SGCZ: variants seen among roughly 807,000 people sequenced by gnomAD.
SGCZ encodes sarcoglycan zeta.
SGCZ carries 40 observed loss-of-function variants against 41.3 expected under a neutral mutation model. The observed-to-expected ratio is 0.97, with a 90% CI of 0.75 to 1.26. The LOEUF (loss-of-function observed/expected upper bound fraction) is 1.26. SGCZ is among the 50% of genes most tolerant of loss of function. The pLI, the probability that SGCZ is intolerant of heterozygous loss-of-function variation, is 0.00. For synonymous variants in SGCZ, 206 were observed against 137.5 expected (o/e 1.50, Z -3.49); for missense variants, 552 against 369.8 (o/e 1.49, Z -4.04).
At chr8:14,248,399 C>A (rs1799179035) in intron 3 of SGCZ, among the ~76,000 whole-genome samples, 1 of 152,010 alleles carries the variant, frequency 6.6e-6, no homozygotes, top group Admixed American at 6.6e-5. Flanking sequence ...GAGAGTATCC[C>A]AGATGCGTAT....
intron 2 of SGCZ, among the ~76,000 whole-genome samples, chr8:14,507,255 T>A (rs1252581818): frequency 2.6e-5 from 4 of 151,990 alleles, no homozygotes; most frequent in Non-Finnish European, 5.9e-5. Context: ...ACTGCCAACT[T>A]GATAAAGGCC....
At chr8:15,070,841 A>C (rs1407103996) in intron 1 of SGCZ, among the ~76,000 whole-genome samples, 1 of 152,244 alleles carries the variant, frequency 6.6e-6, no homozygotes, top group Non-Finnish European at 1.5e-5. Flanking sequence ...TAGTAGAAAA[A>C]GCATAGGATT....
At position 14,771,152 on chromosome 8, in the gene SGCZ, G is replaced by A. The variant is rs977261279; in HGVS notation, c.40-216226C>T. On this transcript the variant is annotated intron_variant, in intron 1 of 7. Transcript: ENST00000382080. ...AGGATCATACTAGAGTTTTTAGATG[G>A]GGACAGAACTAACTACCCAAGGCAA... is the stretch of plus-strand genomic sequence containing the variant. 3.3e-5 allele frequency among the ~76,000 whole-genome samples: 5 copies of A among 151,612 alleles called. No individual in the cohort carries two copies. The South Asian group carries it at 1.0e-3, about 31-fold the overall frequency.
At chr8:15,000,898 A>T (rs1802394440) in intron 1 of SGCZ, among the ~76,000 whole-genome samples, 1 of 152,102 alleles carries the variant, frequency 6.6e-6, no homozygotes, top group Admixed American at 6.6e-5. Context: ...TCCACCCCTT[A>T]ACCCACCCAC....
chr8:14,219,877 C>A (rs188317987), intron 4 of SGCZ, among the ~76,000 whole-genome samples: 281 of 152,150 alleles, frequency 1.8e-3, no homozygotes, highest in Non-Finnish European at 3.2e-3. Flanking sequence ...AACGTTTCTA[C>A]AACCAGTAGG....
intron 1 of SGCZ, among the ~76,000 whole-genome samples, chr8:15,171,888 G>A (rs1054417276): frequency 6.6e-6 from 1 of 151,994 alleles, no homozygotes; most frequent in Non-Finnish European, 1.5e-5. Flanking sequence ...TCACCTAAAT[G>A]GCTTGTAACC....
Position 14,971,315 on chromosome 8 carries a change from G to A in SGCZ, c.39+266270C>T, listed in dbSNP as rs189228861. Among the ~76,000 whole-genome samples the A allele has an allele frequency of 7.2e-5, 11 of 152,190 alleles. No individual in the cohort carries two copies. The East Asian group carries it at 2.1e-3, about 29-fold the overall frequency. On this transcript the variant is annotated intron_variant, in intron 1 of 7. Coordinates refer to ENST00000382080, the MANE Select transcript of SGCZ (RefSeq NM_139167.4). ...AACATCTCCAGTATAATACCGAATA[G>A]AAATAATAGGAGCGAATATCCTTGT...
intron 1 of SGCZ, among the ~76,000 whole-genome samples, chr8:15,176,841 A>C (rs1800014398): frequency 6.6e-6 from 1 of 152,110 alleles, no homozygotes; most frequent in Non-Finnish European, 1.5e-5. Context: ...CTCTACTAAA[A>C]ACACACAAAA....
At chr8:15,025,867 T>C (rs1390513960) in intron 1 of SGCZ, among the ~76,000 whole-genome samples, 1 of 152,216 alleles carries the variant, frequency 6.6e-6, no homozygotes, top group Non-Finnish European at 1.5e-5. Flanking sequence ...TAAGTAAGAC[T>C]ATATACGAAT....
intron 2 of SGCZ, among the ~76,000 whole-genome samples, chr8:14,471,500 G>C (rs955264545): frequency 3.5e-4 from 53 of 151,946 alleles, no homozygotes; most frequent in African/African-American, 1.2e-3. Flanking sequence ...ATACAAGGAA[G>C]ACATAGTCTC....
intron 1 of SGCZ, among the ~76,000 whole-genome samples, chr8:15,130,008 C>T (rs937352147): frequency 6.6e-6 from 1 of 152,066 alleles, no homozygotes; most frequent in Non-Finnish European, 1.5e-5. Flanking sequence ...TCCTGTATGA[C>T]TAAGTAGGCC....
intron 2 of SGCZ, among the ~76,000 whole-genome samples, chr8:14,531,002 A>G (rs952218565): frequency 5.3e-5 from 8 of 151,988 alleles, no homozygotes; most frequent in Non-Finnish European, 1.2e-4. Flanking sequence ...GTGAAACTTG[A>G]CCTTCAAGTC....
chr8:14,301,900 G>T (rs898927495), intron 3 of SGCZ, among the ~76,000 whole-genome samples: 1 of 152,136 alleles, frequency 6.6e-6, no homozygotes, highest in Admixed American at 6.5e-5. Context: ...AGATGAAAAA[G>T]ATAATTTTGT....
In SGCZ at chr8:14,085,702, G is replaced by A. The variant is rs1054483620; in HGVS notation, c.*4741C>T. Among the ~76,000 whole-genome samples the A allele has an allele frequency of 2.0e-5, 3 of 151,684 alleles. No homozygotes were observed. The highest frequency in any genetic ancestry group is 7.3e-5 in the African/African-American group (3 of 41,368). ...TACGGTCTTTGCATATAGGTTTTAT[G>A]AATACCAAGGAGTTTGTTATGCATG... is the stretch of plus-strand genomic sequence containing the variant. On this transcript the variant is annotated 3_prime_UTR_variant, in exon 8 of 8. Transcript: ENST00000382080.
intron 1 of SGCZ, among the ~76,000 whole-genome samples, chr8:14,707,780 T>C (rs1005158720): frequency 1.3e-5 from 2 of 152,196 alleles, no homozygotes; most frequent in South Asian, 2.1e-4. Flanking sequence ...CCATGTCTCA[T>C]TCCTATTGTC....
chr8:15,173,502 T>C (rs1380294412), intron 1 of SGCZ, among the ~76,000 whole-genome samples: 4 of 152,186 alleles, frequency 2.6e-5, no homozygotes, highest in African/African-American at 4.8e-5. Context: ...TGAGTGTCTT[T>C]AATTGCATAT....
At chr8:15,001,238 A>G (rs968794324) in intron 1 of SGCZ, among the ~76,000 whole-genome samples, 1 of 152,340 alleles carries the variant, frequency 6.6e-6, no homozygotes, top group Non-Finnish European at 1.5e-5. Context: ...GATGAACTGT[A>G]TCGTCACATT....
At chr8:14,103,430 G>A (rs1453504537) in intron 6 of SGCZ, among the ~76,000 whole-genome samples, 1 of 152,098 alleles carries the variant, frequency 6.6e-6, no homozygotes, top group East Asian at 1.9e-4. Context: ...TTTAAGAGGA[G>A]GGTCCCCTCG....
intron 2 of SGCZ, among the ~76,000 whole-genome samples, chr8:14,406,935 C>T (rs1799226897): frequency 6.6e-6 from 1 of 152,174 alleles, no homozygotes; most frequent in South Asian, 2.1e-4. Context: ...TTTAACATCA[C>T]TGGCTCGCTT....
Sources: allele counts gnomAD v4.1 joint callset (sites outside exome capture counted in the v4.1 genomes callset), GRCh38; gene constraint gnomAD v4.1.1; transcripts MANE v1.5; gene names NCBI Gene and HGNC (gene_info 2026-07-23, HGNC 2026-07-21).